PEAK1: variants seen among roughly 807,000 people sequenced by gnomAD.
The protein encoded by PEAK1 is inactive tyrosine-protein kinase PEAK1.
PEAK1 carries 54 observed loss-of-function variants against 124.7 expected under a neutral mutation model. That is an observed-to-expected ratio of 0.43 (90% CI 0.35 to 0.54). The LOEUF is 0.54. Among genes scored for constraint, PEAK1 ranks in the 20% least tolerant of loss-of-function variants. The pLI is 0.01. For missense variants in PEAK1, 2,046 were observed against 2,134.5 expected (o/e 0.96, Z 0.82); for synonymous variants, 719 against 760.0 (o/e 0.95, Z 0.89).
At chr15:77,150,660 C>A (rs913477813) in intron 8 of PEAK1, among the ~76,000 whole-genome samples, 8 of 116,664 alleles carry the variant, frequency 6.9e-5, no homozygotes, top group Non-Finnish European at 1.2e-4. Flanking sequence ...TATCCCTCCC[C>A]CCTCCCCCCA....
At chr15:77,102,733 T>C (rs899508013) in exon 7 of PEAK1, 3 of 152,206 alleles carry the variant, frequency 2.0e-5, no homozygotes, top group Non-Finnish European at 4.4e-5. Context: ...TTCTATTACA[T>C]TGATCTGTTT....
At chr15:77,206,486 C>A (rs2058664274) in intron 6 of PEAK1, among the ~76,000 whole-genome samples, 1 of 148,942 alleles carries the variant, frequency 6.7e-6, no homozygotes, top group African/African-American at 2.5e-5. Flanking sequence ...TCTCCAGCAC[C>A]TGTTGTTTCC....
chr15:77,219,425 T>C (rs2059289092), intron 6 of PEAK1, among the ~76,000 whole-genome samples: 1 of 152,170 alleles, frequency 6.6e-6, no homozygotes, highest in African/African-American at 2.4e-5. Flanking sequence ...AATAATCCCT[T>C]TATATGTATG....
intron 1 of PEAK1, among the ~76,000 whole-genome samples, chr15:77,386,122 T>G (rs941502836): frequency 3.3e-5 from 5 of 152,198 alleles, no homozygotes; most frequent in African/African-American, 9.6e-5. Context: ...TATATAGAAC[T>G]AAAGGCCAGG....
intron 7 of PEAK1, among the ~76,000 whole-genome samples, chr15:77,174,943 C>T (rs531033165): frequency 2.2e-3 from 330 of 151,548 alleles, no homozygotes; most frequent in Non-Finnish European, 3.4e-3. Flanking sequence ...TCAGAAATAA[C>T]GCCACATATC....
At chr15:77,313,640 ATGTATGTATGTATGTG>A (rs1203456724) in intron 2 of PEAK1, among the ~76,000 whole-genome samples, 10 of 78,520 alleles carry the variant, frequency 1.3e-4, no homozygotes, top group Non-Finnish European at 2.4e-4. Context: ...TAATGTATGT[ATGTATGTATGTATGTG>A]TGTGTGTGTG....
intron 6 of PEAK1, among the ~76,000 whole-genome samples, chr15:77,207,416 G>A (rs1426699274): frequency 1.3e-5 from 2 of 152,144 alleles, no homozygotes; most frequent in African/African-American, 2.4e-5. Flanking sequence ...AGTCATAATT[G>A]CTAAAACTTG....
intron 6 of PEAK1, among the ~76,000 whole-genome samples, chr15:77,217,751 TA>T (rs2059212422): frequency 6.6e-6 from 1 of 152,234 alleles, no homozygotes; most frequent in Admixed American, 6.5e-5. Flanking sequence ...TCACTGCTTA[TA>T]AAAGTGTTTT....
intron 6 of PEAK1, among the ~76,000 whole-genome samples, chr15:77,210,365 G>A (rs1222045700): frequency 1.3e-5 from 2 of 152,116 alleles, no homozygotes; most frequent in Non-Finnish European, 2.9e-5. Flanking sequence ...CCAAAGGGAA[G>A]AAGCAATATA....
At chr15:77,223,418 A>T (rs1003936358) in intron 6 of PEAK1, among the ~76,000 whole-genome samples, 4 of 152,006 alleles carry the variant, frequency 2.6e-5, no homozygotes. Context: ...GTGGGGATAA[A>T]ATGCATTTGT....
intron 9 of PEAK1, among the ~76,000 whole-genome samples, chr15:77,116,125 CTACA>C (rs1267568858): frequency 5.3e-5 from 8 of 152,166 alleles, no homozygotes; most frequent in African/African-American, 1.9e-4. Context: ...GCCAAGAGTT[CTACA>C]TACTGTGACG....
At chr15:77,184,502 A>T (rs1483767398) in intron 6 of PEAK1, among the ~76,000 whole-genome samples, 1 of 152,238 alleles carries the variant, frequency 6.6e-6, no homozygotes, top group Non-Finnish European at 1.5e-5. Flanking sequence ...TTTTGTTTAC[A>T]CTAAAACCAA....
chr15:77,360,563 A>G (rs1215237438), intron 2 of PEAK1, among the ~76,000 whole-genome samples: 3 of 152,068 alleles, frequency 2.0e-5, no homozygotes, highest in African/African-American at 7.2e-5. Context: ...ATTTTTTTCA[A>G]CCAAACATGG....
At chr15:77,182,401 A>C (rs916374055) in intron 6 of PEAK1, among the ~76,000 whole-genome samples, 4 of 151,592 alleles carry the variant, frequency 2.6e-5, no homozygotes, top group Admixed American at 2.6e-4. Flanking sequence ...TCTTCCACCT[A>C]CCCTTGAATG....
intron 1 of PEAK1, among the ~76,000 whole-genome samples, chr15:77,415,948 C>A (rs539242059): frequency 6.6e-6 from 1 of 152,218 alleles, no homozygotes; most frequent in Admixed American, 6.5e-5. Context: ...TGCTTAAAGA[C>A]TCCTTCAGAG....
intron 5 of PEAK1, among the ~76,000 whole-genome samples, chr15:77,271,337 T>G (rs555451669): frequency 1.1e-4 from 16 of 152,326 alleles, no homozygotes; most frequent in African/African-American, 3.1e-4. Flanking sequence ...TTGGTGGGAC[T>G]GTAAACTAGT....
intron 1 of PEAK1, among the ~76,000 whole-genome samples, chr15:77,378,655 TA>T (rs2069229050): frequency 6.6e-6 from 1 of 152,154 alleles, no homozygotes; most frequent in African/African-American, 2.4e-5. Context: ...TATGCTGAAA[TA>T]AATCCTTTTA....
chr15:77,386,191 C>T (rs2069922665), intron 1 of PEAK1, among the ~76,000 whole-genome samples: 1 of 152,152 alleles, frequency 6.6e-6, no homozygotes, highest in Non-Finnish European at 1.5e-5. Context: ...TATAACTTGT[C>T]CAAAGTCACA....
At chr15:77,395,187 G>C (rs2070781801) in intron 1 of PEAK1, among the ~76,000 whole-genome samples, 1 of 152,116 alleles carries the variant, frequency 6.6e-6, no homozygotes, top group Non-Finnish European at 1.5e-5. Flanking sequence ...GAATGCATCA[G>C]AGTTTCTTAA....
Sources: gnomAD v4.1 joint callset for allele counts (sites outside exome capture counted in the v4.1 genomes callset) on GRCh38, gnomAD v4.1.1 for gene constraint, MANE v1.5 for transcripts, NCBI Gene and HGNC (gene_info 2026-07-23, HGNC 2026-07-21) for gene names.